BCAS3: variants seen among roughly 807,000 people sequenced by gnomAD.
BCAS3 encodes BCAS4/BCAS3 fusion.
In BCAS3, 53 loss-of-function variants were observed where a neutral mutation model predicts 116.1. That is an observed-to-expected ratio of 0.46 (90% CI 0.37 to 0.57). The LOEUF (loss-of-function observed/expected upper bound fraction) is 0.57, where lower values mean the gene tolerates loss of function less well. BCAS3 is among the 20% of genes least tolerant of loss of function. The pLI is 0.00. For synonymous variants in BCAS3, 391 were observed against 408.2 expected (o/e 0.96, Z 0.51); for missense variants, 917 against 1,165.4 (o/e 0.79, Z 3.10).
At chr17:61,280,325 A>G (rs756615116) in intron 22 of BCAS3, among the ~76,000 whole-genome samples, 51 of 152,226 alleles carry the variant, frequency 3.4e-4, no homozygotes, top group Non-Finnish European at 6.2e-4. Context: ...TTTGTGATAG[A>G]TACAGACATA....
At chr17:60,980,016 G>A (rs1010234317) in intron 14 of BCAS3, among the ~76,000 whole-genome samples, 7 of 152,094 alleles carry the variant, frequency 4.6e-5, no homozygotes, top group African/African-American at 1.7e-4. Context: ...CTCATAAAAT[G>A]AGTTAGGGAG....
chr17:60,915,654 G>T (rs1337884294), intron 12 of BCAS3, among the ~76,000 whole-genome samples: 4 of 142,980 alleles, frequency 2.8e-5, no homozygotes, highest in Non-Finnish European at 5.9e-5. Flanking sequence ...GTCCATTCAG[G>T]TTGCAGCATG....
intron 23 of BCAS3, among the ~76,000 whole-genome samples, chr17:61,372,207 C>T (rs542914070): frequency 6.6e-6 from 1 of 152,294 alleles, no homozygotes; most frequent in East Asian, 1.9e-4. Flanking sequence ...AGCCCCGCCC[C>T]CATTCTCAGT....
In BCAS3 at chr17:61,377,823, G is replaced by A. The variant is rs1233321332; in HGVS notation, c.2593+9329G>A. 1 of 152,218 alleles carries A rather than the reference G, an allele frequency of 6.6e-6. No individual in the cohort carries two copies. Among genetic ancestry groups the A allele is most frequent in the African/African-American group, 2.4e-5 (1 of 41,446 alleles). 9.4% of individuals were successfully genotyped at this position (152,218 alleles called of 1,614,324 possible). On this transcript the variant is annotated intron_variant, in intron 23 of 23. Transcript: ENST00000407086. The surrounding 1 kb of genome is among the most constrained non-coding windows in gnomAD (Gnocchi z 4.6). ...TGCCAGGTAGACCTTCCCCTCTCCA[G>A]TTTACAAAGGAGGAAACGAAAGATT...
At chr17:60,692,029 G>A (rs1174098421) in intron 4 of BCAS3, among the ~76,000 whole-genome samples, 3 of 149,494 alleles carry the variant, frequency 2.0e-5, no homozygotes, top group Admixed American at 6.7e-5. Context: ...CAGCTTGGGG[G>A]CAACAAGAGT....
intron 8 of BCAS3, among the ~76,000 whole-genome samples, chr17:60,872,480 G>A (rs1431046951): frequency 1.5e-5 from 2 of 136,654 alleles, no homozygotes; most frequent in Non-Finnish European, 3.0e-5. Flanking sequence ...ATATCTGTAT[G>A]TATATATCTG....
chr17:61,193,697 C>T lies in BCAS3; in HGVS notation c.2425+109133C>T, dbSNP rs377532742. The stretch of plus-strand genomic sequence containing the variant: ...GCTTGAACCCGGGAGGTGGAGGTTG[C>T]TGTGAGCCGAGATCGTGCCATTGCA... On this transcript the variant is annotated intron_variant, in intron 22 of 23. Coordinates refer to ENST00000407086, the MANE Select transcript of BCAS3 (RefSeq NM_017679.5). Among the ~76,000 whole-genome samples, 52 of 125,816 alleles carry T rather than the reference C, an allele frequency of 4.1e-4. 1 individual carries two copies. Among genetic ancestry groups the T allele is most frequent in the Middle Eastern group, 0.013 (2 of 152 alleles). The allele number at this position is 125,816 out of a possible 152,430, so 82.5% of individuals were successfully genotyped here. A position where few individuals can be genotyped will look rare whatever the true frequency, so the allele number is the denominator to read the frequency against.
chr17:61,388,695 C>G lies in BCAS3; in HGVS notation c.2594-3282C>G. 6.5e-7 allele frequency: 1 copy of G among 1,550,286 alleles called. No homozygotes were observed. Among genetic ancestry groups the G allele is most frequent in the South Asian group, 1.2e-5 (1 of 84,698 alleles). On this transcript the variant is annotated intron_variant, in intron 23 of 23. Transcript: ENST00000407086. This position sits in a 1 kb window ranked among gnomAD's most constrained non-coding sequence, Gnocchi z 6.5. ...ACCCAACAGTAACAAAGCATGCGTT[C>G]GGGATGGAGGAAGGTAAGGCCACAC...
At chr17:61,296,594 T>C (rs2052934331) in intron 22 of BCAS3, among the ~76,000 whole-genome samples, 1 of 152,236 alleles carries the variant, frequency 6.6e-6, no homozygotes, top group Non-Finnish European at 1.5e-5. Context: ...TTACTATGTT[T>C]TTCTGTAGGA....
intron 22 of BCAS3, among the ~76,000 whole-genome samples, chr17:61,157,696 C>T (rs962079825): frequency 6.9e-6 from 1 of 144,562 alleles, no homozygotes; most frequent in Non-Finnish European, 1.5e-5. Flanking sequence ...TGGAGAGGCT[C>T]GCCAGCAGGG....
rs1004804681 is a variant in BCAS3, at chr17:60,962,983, T to C, written c.1221+15631T>C. The stretch of plus-strand genomic sequence containing the variant: ...TATCCAGTTATCCCACCACCACTTA[T>C]TGAAAAGACTGTTCTTTTACCTTCT... On this transcript the variant is annotated intron_variant, in intron 14 of 23. Coordinates refer to ENST00000407086, the MANE Select transcript of BCAS3 (RefSeq NM_017679.5). This position sits in a 1 kb window ranked among gnomAD's most constrained non-coding sequence, Gnocchi z 4.4. Among the ~76,000 whole-genome samples, 1 of 152,240 alleles carries C rather than the reference T, an allele frequency of 6.6e-6. No individual in the cohort carries two copies. The highest frequency in any genetic ancestry group is 2.4e-5 in the African/African-American group (1 of 41,470).
rs1456893234 is a variant in BCAS3, at chr17:61,087,250, C to T, written c.2425+2686C>T. The T allele has an allele frequency of 6.1e-6, 6 of 981,400 alleles. No homozygotes were observed. In the African/African-American group the frequency reaches 8.7e-5, roughly 14 times the overall value. 60.8% of individuals were successfully genotyped at this position (981,400 alleles called of 1,614,324 possible). On this transcript the variant is annotated intron_variant, in intron 22 of 23. Coordinates refer to ENST00000407086, the MANE Select transcript of BCAS3 (RefSeq NM_017679.5). The surrounding 1 kb of genome is among the most constrained non-coding windows in gnomAD (Gnocchi z 4.6). ...TTACTTGGAGATACGACCAGTGTGG[C>T]ACCTCCTCTGTTGGTCTTCATTGCC...
At position 61,198,799 on chromosome 17, in the gene BCAS3, G is replaced by A. The variant is rs978199594; in HGVS notation, c.2425+114235G>A. On this transcript the variant is annotated intron_variant, in intron 22 of 23. Transcript: ENST00000407086. The surrounding 1 kb of genome is among the most constrained non-coding windows in gnomAD (Gnocchi z 5.0). The stretch of plus-strand genomic sequence containing the variant: ...GTGTCCTCGGAATTTTAGAACTAAC[G>A]GTTTAATTTCCTGACTCTTAGAGTC... Among the ~76,000 whole-genome samples the A allele has an allele frequency of 6.6e-6, 1 of 152,118 alleles. No homozygotes were observed. The highest frequency in any genetic ancestry group is 1.5e-5 in the Non-Finnish European group (1 of 68,016).
At chr17:60,802,900 AGC>A (rs2047945008) in intron 6 of BCAS3, among the ~76,000 whole-genome samples, 1 of 152,188 alleles carries the variant, frequency 6.6e-6, no homozygotes, top group Non-Finnish European at 1.5e-5. Flanking sequence ...TACAGGCGTG[AGC>A]CACTGTGCCC....
At chr17:60,779,403 C>G (rs2045595478) in intron 6 of BCAS3, among the ~76,000 whole-genome samples, 1 of 150,504 alleles carries the variant, frequency 6.6e-6, no homozygotes, top group Non-Finnish European at 1.5e-5. Flanking sequence ...GAGCTTTGCC[C>G]TTATTGCCCA....
chr17:61,041,669 A>G lies in BCAS3; in HGVS notation c.2029+777A>G, dbSNP rs941910852. On this transcript the variant is annotated intron_variant, in intron 19 of 23. Coordinates refer to ENST00000407086, the MANE Select transcript of BCAS3 (RefSeq NM_017679.5). The surrounding 1 kb of genome is among the most constrained non-coding windows in gnomAD (Gnocchi z 4.7). ...TATTTAACACATTGTCTTGCCCGGT[A>G]TATTAGAAAGCATGAATTAAAATAG... Among the ~76,000 whole-genome samples the G allele has an allele frequency of 1.3e-5, 2 of 152,062 alleles. No individual in the cohort carries two copies. Among genetic ancestry groups the G allele is most frequent in the Non-Finnish European group, 2.9e-5 (2 of 67,980 alleles).
chr17:60,680,090 C>T (rs922998871), intron 2 of BCAS3, among the ~76,000 whole-genome samples: 2 of 143,538 alleles, frequency 1.4e-5, no homozygotes, highest in South Asian at 2.2e-4. Flanking sequence ...GCTGAGATCG[C>T]GCCACTGCAC....
At chr17:60,852,067 A>G (rs984247889) in intron 7 of BCAS3, among the ~76,000 whole-genome samples, 13 of 152,192 alleles carry the variant, frequency 8.5e-5, no homozygotes, top group Non-Finnish European at 4.4e-5. Context: ...AAAGCATATT[A>G]AATGGCAATA....
At position 60,995,595 on chromosome 17, in the gene BCAS3, A is replaced by C. The variant is rs1019156062; in HGVS notation, c.1486+5360A>C. Among the ~76,000 whole-genome samples the C allele has an allele frequency of 2.6e-5, 4 of 152,158 alleles. No individual in the cohort carries two copies. Among genetic ancestry groups the C allele is most frequent in the Admixed American group, 2.6e-4 (4 of 15,282 alleles). The stretch of plus-strand genomic sequence containing the variant: ...TTACAAGCGTGAACCACCGCGCCCG[A>C]CCAGTTTCTAAGGCTTTAAACCAGA... On this transcript the variant is annotated intron_variant, in intron 15 of 23. Transcript: ENST00000407086. The surrounding 1 kb of genome is among the most constrained non-coding windows in gnomAD (Gnocchi z 4.7).
Sources: gnomAD v4.1 joint callset for allele counts (sites outside exome capture counted in the v4.1 genomes callset) on GRCh38, gnomAD v4.1.1 for gene constraint, Gnocchi (gnomAD v3.1) non-coding constraint, MANE v1.5 for transcripts, NCBI Gene and HGNC (gene_info 2026-07-23, HGNC 2026-07-21) for gene names.